HECW1: variants seen among roughly 807,000 people sequenced by gnomAD.
The protein encoded by HECW1 is HECT, C2 and WW domain containing E3 ubiquitin protein ligase 1, also known as E3 ubiquitin-protein ligase HECW1.
Under a neutral mutation model 182.3 loss-of-function variants are expected in HECW1, and 61 were observed. The observed-to-expected ratio is 0.33, with a 90% CI of 0.27 to 0.41. The LOEUF (loss-of-function observed/expected upper bound fraction) is 0.41. HECW1 is among the 10% of genes least tolerant of loss of function. The pLI, the probability that HECW1 is intolerant of heterozygous loss-of-function variation, is 1.00. For synonymous variants in HECW1, 859 were observed against 832.6 expected (o/e 1.03, Z -0.55); for missense variants, 1,739 against 2,108.9 (o/e 0.82, Z 3.44).
In HECW1 at chr7:43,544,069, T is replaced by A. The variant is rs1011319533; in HGVS notation, c.4248+2071T>A. ...TCAGAAACCTGAATGTAAAAATTTT[T>A]AAAAAAGGAAAAAAGAGATAATTTT... On this transcript the variant is annotated intron_variant, in intron 26 of 29. Coordinates refer to ENST00000395891, the MANE Select transcript of HECW1 (RefSeq NM_015052.5). 6.6e-5 allele frequency among the ~76,000 whole-genome samples: 10 copies of A among 152,094 alleles called. No individual in the cohort carries two copies. In the South Asian group the frequency reaches 2.1e-3, roughly 31 times the overall value.
chr7:43,395,695 C>A (rs1046405965), intron 6 of HECW1, among the ~76,000 whole-genome samples: 2 of 152,202 alleles, frequency 1.3e-5, no homozygotes, highest in Non-Finnish European at 2.9e-5. Flanking sequence ...GATTTGTCTA[C>A]AAGCAGCAGC....
intron 6 of HECW1, among the ~76,000 whole-genome samples, chr7:43,388,955 G>A (rs2074911587): frequency 6.6e-6 from 1 of 152,230 alleles, no homozygotes; most frequent in African/African-American, 2.4e-5. Flanking sequence ...ACAGCTGGCT[G>A]GGTAATGGTC....
At chr7:43,521,268 G>A (rs1289812256) in intron 24 of HECW1, among the ~76,000 whole-genome samples, 2 of 152,164 alleles carry the variant, frequency 1.3e-5, no homozygotes, top group African/African-American at 4.8e-5. Context: ...GGCCTTGAGA[G>A]AGTGAGTTTG....
intron 2 of HECW1, among the ~76,000 whole-genome samples, chr7:43,165,963 A>G (rs1278371802): frequency 6.6e-6 from 1 of 152,202 alleles, no homozygotes; most frequent in Non-Finnish European, 1.5e-5. Flanking sequence ...TCAATTATTC[A>G]ACCAGTGTCT....
At chr7:43,197,446 C>T (rs1173083788) in intron 2 of HECW1, among the ~76,000 whole-genome samples, 1 of 152,206 alleles carries the variant, frequency 6.6e-6, no homozygotes, top group Non-Finnish European at 1.5e-5. Context: ...CCCTGCAAAG[C>T]GATGCGTCCT....
intron 23 of HECW1, among the ~76,000 whole-genome samples, chr7:43,508,341 T>C (rs958315905): frequency 1.3e-5 from 2 of 152,204 alleles, no homozygotes; most frequent in African/African-American, 4.8e-5. Flanking sequence ...ATTATTGACA[T>C]GCACAAGAGG....
chr7:43,549,942 G>A (rs1204882202), intron 26 of HECW1, among the ~76,000 whole-genome samples: 1 of 152,100 alleles, frequency 6.6e-6, no homozygotes, highest in Non-Finnish European at 1.5e-5. Context: ...TTGAGTATAG[G>A]AAACTTGTTT....
chr7:43,121,378 C>T lies in HECW1; in HGVS notation c.-32+6987C>T, dbSNP rs184713530. On this transcript the variant is annotated intron_variant, in intron 2 of 29. Transcript: ENST00000395891. Reference sequence around the variant, plus strand: ...AAAGCTCTCAGGAGTGGCCAAAGTACGCACAATTCCCTAGGCTGGCATCGT... The same window carrying T: ...AAAGCTCTCAGGAGTGGCCAAAGTATGCACAATTCCCTAGGCTGGCATCGT... Among the ~76,000 whole-genome samples, 382 of 152,292 alleles carry T rather than the reference C, an allele frequency of 2.5e-3. 2 individuals carry two copies. The highest frequency in any genetic ancestry group is 7.1e-3 in the African/African-American group (297 of 41,568).
chr7:43,525,313 G>A (rs1426922695), intron 24 of HECW1, among the ~76,000 whole-genome samples: 1 of 152,130 alleles, frequency 6.6e-6, no homozygotes, highest in Non-Finnish European at 1.5e-5. Flanking sequence ...TTCATTTCCT[G>A]AATATTTAAA....
chr7:43,138,540 CT>C (rs1255089701), intron 2 of HECW1, among the ~76,000 whole-genome samples: 4 of 152,106 alleles, frequency 2.6e-5, no homozygotes, highest in Non-Finnish European at 4.4e-5. Context: ...ATAAAAACGC[CT>C]TGCTTTTCTG....
At chr7:43,370,226 C>T (rs57034646) in intron 6 of HECW1, among the ~76,000 whole-genome samples, 32,090 of 152,090 alleles carry the variant, frequency 0.21, 4,489 homozygotes, top group African/African-American at 0.39. Flanking sequence ...ACCAAAAATA[C>T]ACAAATGGAA....
chr7:43,195,806 T>C (rs978210538), intron 2 of HECW1, among the ~76,000 whole-genome samples: 2 of 152,200 alleles, frequency 1.3e-5, no homozygotes, highest in African/African-American at 4.8e-5. Context: ...ATGGATTTCT[T>C]TAACCAAGGG....
intron 16 of HECW1, among the ~76,000 whole-genome samples, chr7:43,475,156 A>G (rs1024240424): frequency 1.3e-5 from 2 of 152,248 alleles, no homozygotes; most frequent in East Asian, 3.8e-4. Flanking sequence ...CCACAACAAC[A>G]AAAAAGGAAA....
At chr7:43,435,042 T>G (rs2076667685) in intron 8 of HECW1, among the ~76,000 whole-genome samples, 1 of 152,058 alleles carries the variant, frequency 6.6e-6, no homozygotes, top group South Asian at 2.1e-4. Context: ...ATAATTCATA[T>G]TATTGTGATC....
intron 2 of HECW1, among the ~76,000 whole-genome samples, chr7:43,177,046 A>G (rs1242758108): frequency 6.6e-6 from 1 of 152,094 alleles, no homozygotes; most frequent in Non-Finnish European, 1.5e-5. Context: ...TTTGAGAACT[A>G]CTCCTCTAGA....
rs898919599 is a variant in HECW1, at chr7:43,562,154, G to A, written c.*228G>A. On this transcript the variant is annotated 3_prime_UTR_variant, in exon 30 of 30. Coordinates refer to ENST00000395891, the MANE Select transcript of HECW1 (RefSeq NM_015052.5). ...TTTTCAATGAACTGCTAGCCTGTAT[G>A]CAATATTAAAAAACAGCTGTCTCAA... is the stretch of plus-strand genomic sequence containing the variant. 5 of 470,198 alleles carry A rather than the reference G, an allele frequency of 1.1e-5. No individual in the cohort carries two copies. Among genetic ancestry groups the A allele is most frequent in the African/African-American group, 9.9e-5 (5 of 50,694 alleles). The allele number at this position is 470,198 out of a possible 1,614,324, so 29.1% of individuals were successfully genotyped here.
intron 2 of HECW1, among the ~76,000 whole-genome samples, chr7:43,236,117 C>T (rs1352453627): frequency 6.6e-6 from 1 of 152,076 alleles, no homozygotes; most frequent in African/African-American, 2.4e-5. Context: ...TGTTTATATG[C>T]ACTAGTCCGT....
intron 2 of HECW1, among the ~76,000 whole-genome samples, chr7:43,238,234 G>A (rs976040207): frequency 6.6e-6 from 1 of 152,168 alleles, no homozygotes; most frequent in African/African-American, 2.4e-5. Flanking sequence ...CGCTGCATTG[G>A]GAGGGATGGC....
At chr7:43,436,436 G>A (rs1056423150) in intron 8 of HECW1, among the ~76,000 whole-genome samples, 3 of 152,116 alleles carry the variant, frequency 2.0e-5, no homozygotes, top group Non-Finnish European at 4.4e-5. Context: ...TAATCACCTG[G>A]GCGCAGGCAG....
Sources: gnomAD v4.1 joint callset for allele counts (sites outside exome capture counted in the v4.1 genomes callset) on GRCh38, gnomAD v4.1.1 for gene constraint, MANE v1.5 for transcripts, NCBI Gene and HGNC (gene_info 2026-07-23, HGNC 2026-07-21) for gene names.